Variants in CCDC192 observed in about 807,000 individuals in gnomAD.
CCDC192 encodes coiled-coil domain containing 192, also known as coiled-coil domain-containing protein 192.
At chr5:127,786,071 A>C in intron 3 of CCDC192, 1 of 720,428 alleles carries the variant, frequency 1.4e-6, no homozygotes, top group Non-Finnish European at 2.5e-6. Context: ...TGGATTCTAG[A>C]TACAAGATTA....
rs151276127 is a variant in CCDC192 at position 127,773,219 on chromosome 5, G to A, written c.222+18844G>A. ...TTTTTCTGGTAACATTCAATGAGTG[G>A]ATGTAATGCTAACAATTTTCTAAAC... is the stretch of plus-strand genomic sequence containing the variant. On this transcript the variant is annotated intron_variant, in intron 3 of 6. Coordinates refer to ENST00000514853, the MANE Select transcript of CCDC192 (RefSeq NM_001317938.2). Among the ~76,000 whole-genome samples, 140 of 152,188 alleles carry A rather than the reference G, an allele frequency of 9.2e-4. 1 individual carries two copies. The highest frequency in any genetic ancestry group is 1.8e-3 in the Admixed American group (27 of 15,294).
intron 3 of CCDC192, among the ~76,000 whole-genome samples, chr5:127,775,657 T>C (rs1755816042): frequency 6.6e-6 from 1 of 152,212 alleles, no homozygotes; most frequent in South Asian, 2.1e-4. Flanking sequence ...TTTGTGTGTT[T>C]ATCTTTGATG....
chr5:127,750,023 G>C (rs966144252), intron 2 of CCDC192, among the ~76,000 whole-genome samples: 3 of 151,470 alleles, frequency 2.0e-5, no homozygotes, highest in Admixed American at 6.6e-5. Context: ...TATTAGTCTT[G>C]CTAGCGGTCT....
chr5:127,796,050 A>G (rs1757148366), intron 3 of CCDC192, among the ~76,000 whole-genome samples: 2 of 152,150 alleles, frequency 1.3e-5, no homozygotes, highest in African/African-American at 2.4e-5. Flanking sequence ...ATGGCTGTGG[A>G]GGAGGCAACT....
intron 5 of CCDC192, among the ~76,000 whole-genome samples, chr5:127,873,657 C>G (rs1211860495): frequency 6.6e-6 from 1 of 152,190 alleles, no homozygotes; most frequent in Non-Finnish European, 1.5e-5. Context: ...TCTCAATTTT[C>G]ATTTCTGTGC....
chr5:127,896,800 A>G (rs544986369), intron 6 of CCDC192, among the ~76,000 whole-genome samples: 1 of 152,270 alleles, frequency 6.6e-6, no homozygotes, highest in South Asian at 2.1e-4. Context: ...GAAAAACCCA[A>G]AGAACATATA....
intron 2 of CCDC192, among the ~76,000 whole-genome samples, chr5:127,737,621 G>T (rs1238909862): frequency 6.6e-6 from 1 of 151,726 alleles, no homozygotes; most frequent in African/African-American, 2.4e-5. Flanking sequence ...CTCCTGTATT[G>T]GGTGCATATA....
rs544712162 is a variant in CCDC192 at position 127,754,767 on chromosome 5, T to C, written c.222+392T>C. Among the ~76,000 whole-genome samples the C allele has an allele frequency of 1.9e-3, 290 of 152,328 alleles. 1 individual carries two copies. Among genetic ancestry groups the C allele is most frequent in the Non-Finnish European group, 3.0e-3 (201 of 68,030 alleles). ...GATAAAATAAAGCCTATTGGAGCCA[T>C]GCAGAAGTAATTTTCTTTTATTTTT... On this transcript the variant is annotated intron_variant, in intron 3 of 6. Transcript: ENST00000514853.
intron 5 of CCDC192, among the ~76,000 whole-genome samples, chr5:127,808,764 C>T (rs767372456): frequency 6.6e-6 from 1 of 152,010 alleles, no homozygotes; most frequent in African/African-American, 2.4e-5. Flanking sequence ...TCTTTTTTGC[C>T]TTTATTCTAC....
At chr5:127,926,335 C>T (rs1753861539) in intron 6 of CCDC192, among the ~76,000 whole-genome samples, 1 of 152,172 alleles carries the variant, frequency 6.6e-6, no homozygotes, top group Admixed American at 6.5e-5. Context: ...ATAAGTGACT[C>T]CTCATCAGCT....
Position 127,847,821 on chromosome 5 carries a change from TTAAA to T in CCDC192, c.412-27686_412-27683del, listed in dbSNP as rs67683440. On this transcript the variant is annotated intron_variant, in intron 5 of 6. Transcript: ENST00000514853. The stretch of plus-strand genomic sequence containing the variant: ...CTGGGCAACAGAGTGAGACTCCATC[TTAAA>T]TAAATAAATAAATAAATAAATAAAT... Among the ~76,000 whole-genome samples the T allele has an allele frequency of 6.1e-3, 867 of 142,870 alleles. 3 individuals carry two copies. Among genetic ancestry groups the T allele is most frequent in the Middle Eastern group, 0.01 (3 of 286 alleles). 93.7% of individuals were successfully genotyped at this position (142,870 alleles called of 152,430 possible).
intron 6 of CCDC192, among the ~76,000 whole-genome samples, chr5:127,897,737 A>T (rs1392636880): frequency 6.6e-6 from 1 of 152,184 alleles, no homozygotes; most frequent in Non-Finnish European, 1.5e-5. Context: ...TTGCATTAGA[A>T]TAGGTGTTCT....
chr5:127,885,552 A>G (rs550499461), intron 6 of CCDC192, among the ~76,000 whole-genome samples: 3 of 152,308 alleles, frequency 2.0e-5, no homozygotes, highest in South Asian at 2.1e-4. Flanking sequence ...AAACCTCACT[A>G]TTATTTTATT....
At chr5:127,887,666 A>T (rs1205789069) in intron 6 of CCDC192, among the ~76,000 whole-genome samples, 2 of 151,786 alleles carry the variant, frequency 1.3e-5, no homozygotes, top group African/African-American at 4.8e-5. Context: ...TTCATTTTAA[A>T]TTATGTGTAA....
At chr5:127,809,309 A>G (rs1224026932) in intron 5 of CCDC192, among the ~76,000 whole-genome samples, 1 of 137,850 alleles carries the variant, frequency 7.3e-6, no homozygotes, top group Non-Finnish European at 1.5e-5. Context: ...AAATATCAGG[A>G]AAAAAAATAG....
chr5:127,869,114 G>A (rs1409643379), intron 5 of CCDC192, among the ~76,000 whole-genome samples: 7 of 152,138 alleles, frequency 4.6e-5, no homozygotes, highest in Non-Finnish European at 1.0e-4. Flanking sequence ...TCTGAGGTCA[G>A]GAGTTCGAGA....
chr5:127,762,733 TAA>T (rs1254192858), intron 3 of CCDC192, among the ~76,000 whole-genome samples: 1 of 152,182 alleles, frequency 6.6e-6, no homozygotes, highest in Non-Finnish European at 1.5e-5. Context: ...CCTCATGCCT[TAA>T]GAGTCATGGC....
intron 5 of CCDC192, among the ~76,000 whole-genome samples, chr5:127,828,694 G>A (rs1169571456): frequency 2.6e-5 from 4 of 152,144 alleles, no homozygotes; most frequent in Non-Finnish European, 5.9e-5. Flanking sequence ...GAGAGTAGGT[G>A]GGGAGGTCTC....
intron 5 of CCDC192, among the ~76,000 whole-genome samples, chr5:127,801,746 C>CAA (rs1757518058): frequency 6.6e-6 from 1 of 152,144 alleles, no homozygotes; most frequent in Non-Finnish European, 1.5e-5. Context: ...TTAAAGTAAA[C>CAA]ATTGTAGACA....
Sources: gnomAD v4.1 joint callset for allele counts (sites outside exome capture counted in the v4.1 genomes callset) on GRCh38, gnomAD v4.1.1 for gene constraint, MANE v1.5 for transcripts, NCBI Gene and HGNC (gene_info 2026-07-23, HGNC 2026-07-21) for gene names.